The following GABRG3 variants were observed in gnomAD, a reference collection of about 807,000 sequenced individuals.
GABRG3 encodes the protein gamma-aminobutyric acid type A receptor subunit gamma3.
A neutral mutation model predicts 48.8 loss-of-function variants in GABRG3; 25 were observed. That is an observed-to-expected ratio of 0.51 (90% CI 0.37 to 0.72). The LOEUF is 0.72. GABRG3 is among the 30% of genes least tolerant of loss of function. The pLI is 0.00. For synonymous variants in GABRG3, 227 were observed against 217.6 expected (o/e 1.04, Z -0.38); for missense variants, 394 against 577.9 (o/e 0.68, Z 3.26).
At chr15:27,358,904 GC>G (rs1894930554) in intron 5 of GABRG3, among the ~76,000 whole-genome samples, 1 of 152,192 alleles carries the variant, frequency 6.6e-6, no homozygotes, top group Non-Finnish European at 1.5e-5. Flanking sequence ...CGCTCAGTGG[GC>G]CCCGGCAGTG....
intron 3 of GABRG3, among the ~76,000 whole-genome samples, chr15:27,308,794 A>G (rs1347552132): frequency 6.7e-6 from 1 of 150,200 alleles, no homozygotes; most frequent in Non-Finnish European, 1.5e-5. Context: ...CAATGTAAAC[A>G]TACGTTTATA....
At chr15:27,097,036 G>C (rs1212704720) in intron 3 of GABRG3, among the ~76,000 whole-genome samples, 1 of 142,230 alleles carries the variant, frequency 7.0e-6, no homozygotes, top group East Asian at 2.1e-4. Context: ...ATTTTTAATA[G>C]AGACAGGGTT....
chr15:27,300,638 CAA>C (rs1892166968), intron 3 of GABRG3, among the ~76,000 whole-genome samples: 3 of 103,900 alleles, frequency 2.9e-5, no homozygotes, highest in Non-Finnish European at 5.5e-5. Flanking sequence ...GCCTGGGCAA[CAA>C]GAGCAAAACT....
chr15:27,439,461 T>G (rs754599008), intron 5 of GABRG3, among the ~76,000 whole-genome samples: 1 of 152,234 alleles, frequency 6.6e-6, no homozygotes, highest in Non-Finnish European at 1.5e-5. Flanking sequence ...AGATTGATGT[T>G]GATCATCTGT....
At chr15:27,421,137 A>G (rs1280152591) in intron 5 of GABRG3, among the ~76,000 whole-genome samples, 1 of 152,220 alleles carries the variant, frequency 6.6e-6, no homozygotes. Context: ...CCGATGACAC[A>G]TGCTGCTCAC....
At chr15:27,154,680 C>G (rs1210766993) in intron 3 of GABRG3, among the ~76,000 whole-genome samples, 1 of 152,122 alleles carries the variant, frequency 6.6e-6, no homozygotes, top group Non-Finnish European at 1.5e-5. Context: ...TTGGAATAAA[C>G]CCCGTGTGGT....
chr15:27,507,540 A>G (rs1418284829), intron 6 of GABRG3, among the ~76,000 whole-genome samples: 20 of 152,122 alleles, frequency 1.3e-4, no homozygotes, highest in Admixed American at 1.3e-3. Flanking sequence ...ATAAATAAAC[A>G]AATAAATATG....
chr15:27,296,929 A>G (rs1892010430), intron 3 of GABRG3, among the ~76,000 whole-genome samples: 1 of 151,054 alleles, frequency 6.6e-6, no homozygotes, highest in South Asian at 2.1e-4. Flanking sequence ...ATCGTAGGAG[A>G]TGACGGCTCC....
intron 5 of GABRG3, among the ~76,000 whole-genome samples, chr15:27,479,798 A>C (rs1449131652): frequency 6.6e-6 from 1 of 152,246 alleles, no homozygotes; most frequent in African/African-American, 2.4e-5. Flanking sequence ...CCTGTGAGGC[A>C]GACAGAGCTG....
chr15:27,308,162 A>G (rs867029320), intron 3 of GABRG3, among the ~76,000 whole-genome samples: 11 of 85,476 alleles, frequency 1.3e-4, no homozygotes, highest in African/African-American at 2.1e-4. Context: ...ACATATATAA[A>G]CATATATGTT....
chr15:27,453,133 G>A (rs1029687986), intron 5 of GABRG3, among the ~76,000 whole-genome samples: 1 of 152,198 alleles, frequency 6.6e-6, no homozygotes, highest in Non-Finnish European at 1.5e-5. Context: ...GCCAAGGGCT[G>A]AGGGCAGGGA....
intron 3 of GABRG3, among the ~76,000 whole-genome samples, chr15:27,103,249 C>A (rs577562560): frequency 6.6e-6 from 1 of 152,326 alleles, no homozygotes; most frequent in African/African-American, 2.4e-5. Context: ...GTACTGACAA[C>A]CCACTCCTCA....
At chr15:27,424,198 G>C (rs1203253714) in intron 5 of GABRG3, among the ~76,000 whole-genome samples, 1 of 152,056 alleles carries the variant, frequency 6.6e-6, no homozygotes, top group Non-Finnish European at 1.5e-5. Flanking sequence ...TCTATGATGG[G>C]GTCTTGGGTC....
chr15:27,096,383 G>T (rs1023213610), intron 3 of GABRG3, among the ~76,000 whole-genome samples: 1 of 152,148 alleles, frequency 6.6e-6, no homozygotes, highest in African/African-American at 2.4e-5. Context: ...GTTGTATTTT[G>T]CAGATCAGAA....
At chr15:27,108,208 A>G (rs1356778536) in intron 3 of GABRG3, among the ~76,000 whole-genome samples, 1 of 152,068 alleles carries the variant, frequency 6.6e-6, no homozygotes, top group African/African-American at 2.4e-5. Context: ...TTTTCCTCTC[A>G]GCACTGCTTT....
intron 2 of GABRG3, among the ~76,000 whole-genome samples, chr15:27,004,086 C>T (rs1484726635): frequency 2.0e-5 from 3 of 149,642 alleles, no homozygotes; most frequent in Non-Finnish European, 4.5e-5. Context: ...GCTGACCCCC[C>T]TACCTCCCTC....
At chr15:27,501,764 T>TATAGC (rs2150854463) in intron 6 of GABRG3, among the ~76,000 whole-genome samples, 1 of 152,276 alleles carries the variant, frequency 6.6e-6, no homozygotes, top group South Asian at 2.1e-4. Flanking sequence ...TCTCGTTTGG[T>TATAGC]TGTGTGCAAG....
At chr15:27,196,768 AT>A in intron 3 of GABRG3, among the ~76,000 whole-genome samples, 1 of 152,342 alleles carries the variant, frequency 6.6e-6, no homozygotes, top group South Asian at 2.1e-4. Flanking sequence ...CCAGGTACAA[AT>A]CCCATCTGGA....
At chr15:27,196,746 C>T (rs183193049) in intron 3 of GABRG3, among the ~76,000 whole-genome samples, 35 of 152,306 alleles carry the variant, frequency 2.3e-4, no homozygotes, top group Admixed American at 3.3e-4. Context: ...TTGGGATCTG[C>T]GGTTGTCAGC....
Sources: allele counts gnomAD v4.1 joint callset (sites outside exome capture counted in the v4.1 genomes callset), GRCh38; gene constraint gnomAD v4.1.1; transcripts MANE v1.5; gene names NCBI Gene and HGNC (gene_info 2026-07-23, HGNC 2026-07-21).